The following COL5A2 variants were observed in gnomAD, a reference collection of about 807,000 sequenced individuals.
COL5A2 encodes collagen type V alpha 2 chain.
Under a neutral mutation model 208.2 loss-of-function variants are expected in COL5A2, and 23 were observed. The ratio of observed to expected loss-of-function variants is 0.11; its 90% CI spans 0.08 to 0.16. COL5A2 has a LOEUF of 0.16. Among genes scored for constraint, COL5A2 ranks in the 10% least tolerant of loss-of-function variants. The pLI is 1.00. For missense variants in COL5A2, 1,590 were observed against 1,956.4 expected (o/e 0.81, Z 3.53); for synonymous variants, 625 against 628.5 (o/e 0.99, Z 0.08).
the COL5A2 span, among the ~76,000 whole-genome samples, chr2:189,400,046 G>C: frequency 1.3e-5 from 2 of 152,122 alleles, no homozygotes; most frequent in South Asian, 4.1e-4. Flanking sequence ...TGGCCTATTT[G>C]ACAGTAATAC....
the COL5A2 span, among the ~76,000 whole-genome samples, chr2:189,244,720 C>T: frequency 1.3e-5 from 2 of 152,218 alleles, no homozygotes; most frequent in South Asian, 4.1e-4. Context: ...GTTCCAACAT[C>T]TGCCTGTTAC....
At chr2:189,195,925 A>C (rs2105851107) in intron 1 of COL5A2, among the ~76,000 whole-genome samples, 1 of 152,296 alleles carries the variant, frequency 6.6e-6, no homozygotes, top group East Asian at 1.9e-4. Flanking sequence ...AATGCCAAAA[A>C]CAATTGCGAC....
the COL5A2 span, among the ~76,000 whole-genome samples, chr2:189,415,408 CT>C: frequency 6.6e-6 from 1 of 151,760 alleles, no homozygotes; most frequent in Admixed American, 6.6e-5. Flanking sequence ...AAACGATGGT[CT>C]TTTTTTTAAT....
At chr2:189,393,724 A>G in the COL5A2 span, among the ~76,000 whole-genome samples, 2 of 152,204 alleles carry the variant, frequency 1.3e-5, no homozygotes, top group African/African-American at 4.8e-5. Flanking sequence ...TTACTCCTTC[A>G]TTCTTATAGC....
At chr2:189,262,501 T>G in the COL5A2 span, among the ~76,000 whole-genome samples, 1 of 152,066 alleles carries the variant, frequency 6.6e-6, no homozygotes. Context: ...TTAAAACTGA[T>G]CACGAAGAGA....
chr2:189,293,816 T>G, the COL5A2 span, among the ~76,000 whole-genome samples: 23 of 152,306 alleles, frequency 1.5e-4, no homozygotes, highest in Non-Finnish European at 2.9e-4. Flanking sequence ...CCAGGAGCGG[T>G]GGCTCATGCC....
At chr2:189,190,416 A>G (rs1373026454) in intron 1 of COL5A2, among the ~76,000 whole-genome samples, 1 of 152,214 alleles carries the variant, frequency 6.6e-6, no homozygotes, top group Non-Finnish European at 1.5e-5. Flanking sequence ...CATAAATACA[A>G]TACACAGCTA....
At chr2:189,042,806 A>G in intron 48 of COL5A2, 33 bp from the exon 49 acceptor site, 1 of 1,585,332 alleles carries the variant, frequency 6.3e-7, no homozygotes, top group Non-Finnish European at 8.6e-7. Flanking sequence ...ATGTTGCCAA[A>G]ATATTTGGAT....
intron 1 of COL5A2, among the ~76,000 whole-genome samples, chr2:189,220,685 CT>C (rs1245388506): frequency 6.6e-6 from 1 of 152,088 alleles, no homozygotes; most frequent in Non-Finnish European, 1.5e-5. Flanking sequence ...CATCTGTCAT[CT>C]TGGTTATAAA....
At chr2:189,289,593 C>T in the COL5A2 span, among the ~76,000 whole-genome samples, 6 of 152,260 alleles carry the variant, frequency 3.9e-5, no homozygotes, top group African/African-American at 1.2e-4. Context: ...GAAGTTAAAT[C>T]ATTCCTGTTT....
chr2:189,386,602 C>T, the COL5A2 span, among the ~76,000 whole-genome samples: 8 of 152,026 alleles, frequency 5.3e-5, no homozygotes, highest in Non-Finnish European at 8.8e-5. Flanking sequence ...TCTAATACTC[C>T]AGAATCTGTA....
the COL5A2 span, among the ~76,000 whole-genome samples, chr2:189,265,819 A>G: frequency 2.0e-5 from 3 of 152,168 alleles, no homozygotes; most frequent in African/African-American, 4.8e-5. Flanking sequence ...AAACAAAAAC[A>G]GGTATTGGTG....
At chr2:189,198,246 T>C (rs1689031114) in intron 1 of COL5A2, among the ~76,000 whole-genome samples, 1 of 152,154 alleles carries the variant, frequency 6.6e-6, no homozygotes, top group Non-Finnish European at 1.5e-5. Context: ...ATATAATAAA[T>C]ATAAAGATGT....
the COL5A2 span, among the ~76,000 whole-genome samples, chr2:189,358,127 T>G: frequency 6.6e-6 from 1 of 152,128 alleles, no homozygotes; most frequent in African/African-American, 2.4e-5. Flanking sequence ...CCACCTTCTA[T>G]GTCGATCTCG....
At chr2:189,259,311 A>G in the COL5A2 span, among the ~76,000 whole-genome samples, 3 of 152,200 alleles carry the variant, frequency 2.0e-5, no homozygotes, top group African/African-American at 7.2e-5. Context: ...CCATTTATAG[A>G]GTCTTATAGT....
chr2:189,316,013 G>C, the COL5A2 span, among the ~76,000 whole-genome samples: 33 of 152,144 alleles, frequency 2.2e-4, no homozygotes, highest in Middle Eastern at 3.2e-3. Flanking sequence ...CTGTTGGTGG[G>C]AGTGTAAATT....
chr2:189,282,250 G>A, the COL5A2 span, among the ~76,000 whole-genome samples: 20 of 151,782 alleles, frequency 1.3e-4, no homozygotes, highest in African/African-American at 4.4e-4. Flanking sequence ...ATATAACAAA[G>A]AAAGATTAAA....
At chr2:189,308,284 G>A in the COL5A2 span, among the ~76,000 whole-genome samples, 1 of 150,014 alleles carries the variant, frequency 6.7e-6, no homozygotes, top group Non-Finnish European at 1.5e-5. Context: ...GGTCAGACAT[G>A]CCTCATTATA....
At chr2:189,214,708 A>G (rs1414161150) in intron 1 of COL5A2, among the ~76,000 whole-genome samples, 1 of 152,220 alleles carries the variant, frequency 6.6e-6, no homozygotes, top group Non-Finnish European at 1.5e-5. Context: ...CAGGCAAGAC[A>G]AAAGAGTTCA....
Sources: gnomAD v4.1 joint callset for allele counts (sites outside exome capture counted in the v4.1 genomes callset) on GRCh38, gnomAD v4.1.1 for gene constraint, MANE v1.5 for transcripts, NCBI Gene and HGNC (gene_info 2026-07-23, HGNC 2026-07-21) for gene names.